RBL1: variants seen among roughly 807,000 people sequenced by gnomAD.
RBL1 encodes the protein retinoblastoma-like protein 1.
RBL1 carries 82 observed loss-of-function variants against 123.0 expected under a neutral mutation model. The observed-to-expected ratio is 0.67, with a 90% CI of 0.56 to 0.80. RBL1 has a LOEUF of 0.80. RBL1 is among the 30% of genes least tolerant of loss of function. The pLI is 0.00. For missense variants in RBL1, 1,171 were observed against 1,299.6 expected, an observed-to-expected ratio of 0.90 and a Z score of 1.52; for synonymous variants, 405 against 441.3, an observed-to-expected ratio of 0.92 and a Z score of 1.03.
intron 21 of RBL1, among the ~76,000 whole-genome samples, chr20:37,000,136 C>T (rs1368251485): frequency 6.7e-6 from 1 of 150,134 alleles, no homozygotes; most frequent in African/African-American, 2.4e-5. Flanking sequence ...CGTCTCTGCC[C>T]GGCCGCCCCG....
chr20:37,055,841 G>C (rs975873017), intron 10 of RBL1, among the ~76,000 whole-genome samples, 185 bp from the exon 11 acceptor site: 5 of 152,082 alleles, frequency 3.3e-5, no homozygotes, highest in African/African-American at 1.2e-4. Flanking sequence ...CTGAGGTCCG[G>C]AGTCTGAGAC....
At chr20:37,054,352 G>A (rs1185478120) in intron 11 of RBL1, among the ~76,000 whole-genome samples, 2 of 152,062 alleles carry the variant, frequency 1.3e-5, no homozygotes, top group Non-Finnish European at 2.9e-5. Flanking sequence ...GGGTGTGGTG[G>A]CAGGCGCCTG....
chr20:37,036,818 G>A (rs906024455), intron 14 of RBL1, among the ~76,000 whole-genome samples: 10 of 151,792 alleles, frequency 6.6e-5, no homozygotes, highest in Non-Finnish European at 1.5e-4. Context: ...GTAGAGATGG[G>A]GTTTCACCGT....
At position 37,020,743 on chromosome 20, in the gene RBL1, A is replaced by T; in HGVS notation, c.2560-13T>A. On this transcript the variant is annotated splice_polypyrimidine_tract_variant and intron_variant, in intron 17 of 21. Coordinates refer to ENST00000373664, the MANE Select transcript of RBL1 (RefSeq NM_002895.5). ...CTTCTTTTGTTACCTAAGGAAAATA[A>T]AAACCGCATTTATCAACTGCTTTTT... The T allele has an allele frequency of 6.5e-7, 1 of 1,527,602 alleles. No homozygotes were observed. The highest frequency in any genetic ancestry group is 8.9e-7 in the Non-Finnish European group (1 of 1,124,382). The allele number at this position is 1,527,602 out of a possible 1,614,324, so 94.6% of individuals were successfully genotyped here. A position where few individuals can be genotyped will look rare whatever the true frequency, so the allele number is the denominator to read the frequency against.
chr20:37,034,797 A>C (rs1216086279), intron 15 of RBL1, among the ~76,000 whole-genome samples: 2 of 152,140 alleles, frequency 1.3e-5, no homozygotes, highest in Non-Finnish European at 2.9e-5. Context: ...CAAAACAAAA[A>C]GGTGGGGCAC....
At chr20:37,046,903 A>C in intron 12 of RBL1, 150 bp downstream of exon 12, 1 of 1,222,824 alleles carries the variant, frequency 8.2e-7, no homozygotes, top group Non-Finnish European at 1.0e-6. Context: ...GTGAGCCACC[A>C]TGCCTAGCCA....
intron 2 of RBL1, among the ~76,000 whole-genome samples, chr20:37,072,428 G>A (rs1266922568): frequency 2.0e-5 from 3 of 151,782 alleles, no homozygotes; most frequent in Non-Finnish European, 2.9e-5. Flanking sequence ...GAAGTTGCGG[G>A]GAGGCGGAAG....
chr20:37,091,191 T>C (rs966417441), intron 1 of RBL1, among the ~76,000 whole-genome samples: 4 of 152,004 alleles, frequency 2.6e-5, no homozygotes, highest in Non-Finnish European at 5.9e-5. Context: ...ACCCCGTCTC[T>C]ACTAAAAAAT....
intron 15 of RBL1, among the ~76,000 whole-genome samples, chr20:37,033,953 T>C (rs1335891105): frequency 6.6e-6 from 1 of 151,296 alleles, no homozygotes; most frequent in Non-Finnish European, 1.5e-5. Context: ...TTTTCTTTTT[T>C]TTTTTGACAA....
chr20:37,055,078 A>G (rs768938732), intron 11 of RBL1, among the ~76,000 whole-genome samples: 3 of 152,182 alleles, frequency 2.0e-5, no homozygotes, highest in Non-Finnish European at 2.9e-5. Flanking sequence ...AGAGGGAAAT[A>G]ATGAAGGAGG....
In RBL1 at chr20:37,045,081, C is replaced by CTTATTTAT. The variant is rs373003508; in HGVS notation, c.1606-839_1606-832dup. ...TGACTTTAATATTCACATTTATTTA[C>CTTATTTAT]TTATTTATTTATTTATTTATTTATT... On this transcript the variant is annotated intron_variant, in intron 12 of 21. Transcript: ENST00000373664. Among the ~76,000 whole-genome samples the CTTATTTAT allele has an allele frequency of 8.1e-3, 1,189 of 146,208 alleles. 7 individuals are homozygous for CTTATTTAT. Among genetic ancestry groups the CTTATTTAT allele is most frequent in the East Asian group, 0.031 (153 of 4,948 alleles).
intron 2 of RBL1, among the ~76,000 whole-genome samples, chr20:37,068,775 GAC>G (rs1034912647): frequency 1.3e-5 from 2 of 152,326 alleles, no homozygotes; most frequent in African/African-American, 2.4e-5. Flanking sequence ...GGGAGTTCAA[GAC>G]ACAGCCTGAG....
intron 2 of RBL1, among the ~76,000 whole-genome samples, chr20:37,074,944 C>G (rs1357507823): frequency 6.6e-6 from 1 of 152,118 alleles, no homozygotes; most frequent in African/African-American, 2.4e-5. Context: ...CATAGCAACA[C>G]TAATCAATAG....
rs748051301 is a variant in RBL1, at chr20:37,035,363, G to A, written c.2049C>T (p.Ile683=). 3.1e-6 allele frequency: 5 copies of A among 1,614,108 alleles called. No individual in the cohort carries two copies. Among genetic ancestry groups the A allele is most frequent in the East Asian group, 4.5e-5 (2 of 44,870 alleles). ...KIITEGTKLK[I]APSSSITAEN... is the part of the protein sequence containing the mutation. ...CAGCAGTAATGCTTGAAGAAGGAGC[G>A]ATTTTCAATTTTGTTCCTTCTGTTA... Residue 683 remains isoleucine, a synonymous_variant, in exon 15 of 22, where the codon ATC becomes ATT. Coordinates refer to ENST00000373664, the MANE Select transcript of RBL1 (RefSeq NM_002895.5).
At chr20:37,069,362 C>T (rs1472073973) in intron 2 of RBL1, among the ~76,000 whole-genome samples, 10 of 151,178 alleles carry the variant, frequency 6.6e-5, no homozygotes, top group Non-Finnish European at 1.3e-4. Context: ...GGAGCGTCTC[C>T]GCCCGGCCGC....
intron 19 of RBL1, among the ~76,000 whole-genome samples, chr20:37,011,191 T>C (rs2064142919): frequency 1.3e-5 from 2 of 152,194 alleles, no homozygotes; most frequent in Admixed American, 1.3e-4. Context: ...TTAACTACAA[T>C]ACACTTGAGT....
chr20:37,037,630 A>C (rs1236640172), intron 14 of RBL1, among the ~76,000 whole-genome samples: 1 of 152,034 alleles, frequency 6.6e-6, no homozygotes, highest in African/African-American at 2.4e-5. Flanking sequence ...AATAATTATA[A>C]TTATTCCCAC....
At chr20:37,045,542 C>T (rs1458543936) in intron 12 of RBL1, among the ~76,000 whole-genome samples, 2 of 151,872 alleles carry the variant, frequency 1.3e-5, no homozygotes, top group East Asian at 3.9e-4. Flanking sequence ...TGCTTGAGAC[C>T]AGGAGTTCGA....
At chr20:37,033,910 C>T (rs567430725) in intron 15 of RBL1, among the ~76,000 whole-genome samples, 5 of 151,676 alleles carry the variant, frequency 3.3e-5, no homozygotes, top group Middle Eastern at 3.4e-3. Flanking sequence ...AGCCACTGTG[C>T]CTGGCGCCCC....
Sources: allele counts gnomAD v4.1 joint callset (sites outside exome capture counted in the v4.1 genomes callset), GRCh38; gene constraint gnomAD v4.1.1; transcripts MANE v1.5; gene names NCBI Gene and HGNC (gene_info 2026-07-23, HGNC 2026-07-21).